The following CIT variants were observed in gnomAD, a reference collection of about 807,000 sequenced individuals.
The protein encoded by CIT is citron Rho-interacting kinase.
In CIT, 79 loss-of-function variants were observed where a neutral mutation model predicts 272.7. The observed-to-expected ratio is 0.29, with a 90% CI of 0.24 to 0.35. CIT has a LOEUF of 0.35. Among genes scored for constraint, CIT ranks in the 10% least tolerant of loss-of-function variants. CIT has a pLI of 1.00. For missense variants in CIT, 1,909 were observed against 2,618.3 expected (o/e 0.73, Z 5.91); for synonymous variants, 948 against 995.6 (o/e 0.95, Z 0.90).
chr12:119,791,386 G>T (rs183125171), intron 10 of CIT, among the ~76,000 whole-genome samples: 2 of 152,274 alleles, frequency 1.3e-5, no homozygotes, highest in African/African-American at 2.4e-5. Flanking sequence ...CACATGCCAG[G>T]TTGGTTCACA....
In CIT at chr12:119,834,094, G is replaced by A. The variant is rs55876660; in HGVS notation, c.651C>T (p.Tyr217=). ...LAVHSVHLMG[Y]VHRDIKPENI... ...ACCAGAGTCTCACTTACCGATGCAC[G>A]TATCCCATCAGATGAACGCTGTGAA... The change falls in exon 6 of 48, where the codon TAC becomes TAT. Residue 217 remains tyrosine, a synonymous_variant. Transcript: ENST00000392521. 1.3e-4 allele frequency: 207 copies of A among 1,610,960 alleles called. 1 individual carries two copies. In the East Asian group the frequency reaches 4.1e-3, roughly 32 times the overall value.
At chr12:119,773,945 T>C (rs893768385) in intron 16 of CIT, among the ~76,000 whole-genome samples, 4 of 152,164 alleles carry the variant, frequency 2.6e-5, no homozygotes, top group Admixed American at 2.6e-4. Flanking sequence ...ATATGCAGTA[T>C]GTCTATAAAA....
At chr12:119,790,576 A>T (rs565044083) in intron 10 of CIT, among the ~76,000 whole-genome samples, 2 of 152,166 alleles carry the variant, frequency 1.3e-5, no homozygotes, top group Admixed American at 6.5e-5. Context: ...CGTGTGTGTG[A>T]GAGAGAGAGA....
At chr12:119,695,734 G>A (rs543622558) in intron 46 of CIT, among the ~76,000 whole-genome samples, 23 of 152,254 alleles carry the variant, frequency 1.5e-4, no homozygotes, top group African/African-American at 4.6e-4. Context: ...GGTCGAGGCT[G>A]CAGTGAGCTG....
intron 7 of CIT, among the ~76,000 whole-genome samples, chr12:119,825,950 C>G (rs1364474877): frequency 6.6e-6 from 1 of 152,104 alleles, no homozygotes; most frequent in Non-Finnish European, 1.5e-5. Flanking sequence ...CACCTGTGGT[C>G]CCAGCTACTC....
At chr12:119,834,364 G>T in intron 5 of CIT, 136 bp from the exon 6 acceptor site, 1 of 731,522 alleles carries the variant, frequency 1.4e-6, no homozygotes, top group Non-Finnish European at 2.2e-6. Context: ...AAGGCACGCT[G>T]TAAGTCATGT....
chr12:119,798,407 C>A (rs567830877), intron 10 of CIT, among the ~76,000 whole-genome samples: 2 of 152,174 alleles, frequency 1.3e-5, no homozygotes, highest in Admixed American at 1.3e-4. Context: ...GTTGTTTGAT[C>A]TCCCCACGCC....
intron 40 of CIT, 44 bp from the exon 41 acceptor site, chr12:119,704,499 T>A (rs530817682): frequency 6.4e-7 from 1 of 1,568,802 alleles, no homozygotes; most frequent in Non-Finnish European, 8.8e-7. Flanking sequence ...ACCAGTGTGA[T>A]ACCGGCTGTG....
At chr12:119,796,439 A>G (rs904918537) in intron 10 of CIT, among the ~76,000 whole-genome samples, 6 of 152,162 alleles carry the variant, frequency 3.9e-5, no homozygotes, top group Non-Finnish European at 5.9e-5. Context: ...AACTGATGGG[A>G]TGGCGGGGGA....
chr12:119,862,277 G>A (rs1428472033), intron 3 of CIT, among the ~76,000 whole-genome samples: 1 of 152,212 alleles, frequency 6.6e-6, no homozygotes, highest in African/African-American at 2.4e-5. Flanking sequence ...TTACAGGCGT[G>A]AGCCACTACA....
In CIT at chr12:119,784,153, G is replaced by T; in HGVS notation, c.1402-102C>A. 1 of 1,611,340 alleles carries T rather than the reference G, an allele frequency of 6.2e-7. No homozygotes were observed. Among genetic ancestry groups the T allele is most frequent in the Non-Finnish European group, 8.5e-7 (1 of 1,178,548 alleles). On this transcript the variant is annotated intron_variant, in intron 11 of 47. Transcript: ENST00000392521. This position sits in a 1 kb window ranked among gnomAD's most constrained non-coding sequence, Gnocchi z 4.7. Reference sequence around the variant, plus strand: ...AAACCACCTGGTGGTCTGGGCTAAGGCTAATTCGCCAAAAGTTAAGTTGGG... The same window carrying T: ...AAACCACCTGGTGGTCTGGGCTAAGTCTAATTCGCCAAAAGTTAAGTTGGG...
chr12:119,799,970 T>C (rs145523721), intron 10 of CIT, among the ~76,000 whole-genome samples: 14 of 152,168 alleles, frequency 9.2e-5, no homozygotes, highest in African/African-American at 2.6e-4. Context: ...TTTATACTTA[T>C]GGTTTGCAGA....
rs768236318 is a variant in CIT, at chr12:119,735,227, C to T, written c.3089G>A (p.Arg1030Gln). 3.1e-6 allele frequency: 5 copies of T among 1,614,206 alleles called. No individual in the cohort carries two copies. The highest frequency in any genetic ancestry group is 2.2e-5 in the South Asian group (2 of 91,090). ...CCGGCGGAGATGGTCCACTTCACTT[C>T]GCAGTTGTACAATCTCGTCGTTGGC... ...SGANDEIVQL[R>Q]SEVDHLRREI... Residue 1030 changes from arginine to glutamine, a missense_variant, in exon 25 of 48, where the codon CGA (arginine) becomes CAA (glutamine). Transcript: ENST00000392521.
intron 47 of CIT, 128 bp from the exon 48 acceptor site, chr12:119,688,383 G>T: frequency 2.2e-6 from 2 of 906,502 alleles, no homozygotes; most frequent in Non-Finnish European, 3.6e-6. Flanking sequence ...TGAGTGCTTG[G>T]CAGGGCAGCA....
At position 119,694,380 on chromosome 12, in the gene CIT, C is replaced by G. The variant is rs138989486; in HGVS notation, c.5882+3279G>C. Among the ~76,000 whole-genome samples, 44 of 152,284 alleles carry G rather than the reference C, an allele frequency of 2.9e-4. No homozygotes were observed. The highest frequency in any genetic ancestry group is 1.0e-3 in the African/African-American group (43 of 41,550). On this transcript the variant is annotated intron_variant, in intron 46 of 47. Coordinates refer to ENST00000392521, the MANE Select transcript of CIT (RefSeq NM_001206999.2). The surrounding 1 kb of genome is among the most constrained non-coding windows in gnomAD (Gnocchi z 4.5). Reference sequence around the variant, plus strand: ...CAGTTAAACCAATTAAGGTACAGCCCTGATAAGGAAGGTTGTGCAGGCATC... The same window carrying G: ...CAGTTAAACCAATTAAGGTACAGCCGTGATAAGGAAGGTTGTGCAGGCATC...
rs780050023 is a variant in CIT at position 119,708,348 on chromosome 12, AGT to A, written c.5072-32_5072-31del. ...ACAGGAAAAGGAACAACCTCTCGTC[AGT>A]GTGAAGCCGTTAAGTAAAGGTACGG... On this transcript the variant is annotated intron_variant, in intron 39 of 47. Coordinates refer to ENST00000392521, the MANE Select transcript of CIT (RefSeq NM_001206999.2). 4 of 1,504,934 alleles carry A rather than the reference AGT, an allele frequency of 2.7e-6. No individual in the cohort carries two copies. The African/African-American group carries it at 5.6e-5, about 21-fold the overall frequency. 93.2% of individuals were successfully genotyped at this position (1,504,934 alleles called of 1,614,324 possible).
chr12:119,725,351 C>T (rs368425966), intron 28 of CIT, among the ~76,000 whole-genome samples: 7 of 151,802 alleles, frequency 4.6e-5, no homozygotes, highest in East Asian at 3.9e-4. Context: ...GCTTGACCCT[C>T]GGAGGTGGAG....
chr12:119,687,531 G>C lies in CIT; in HGVS notation c.*701C>G, dbSNP rs1404903751. On this transcript the variant is annotated 3_prime_UTR_variant, in exon 48 of 48. Transcript: ENST00000392521. ...CGATGACCTCCATACATTCTCAGCT[G>C]GTGGGAGGGGAAGTCGTCAAGGCCA... 6.6e-6 allele frequency: 1 copy of C among 152,574 alleles called. No homozygotes were observed. Among genetic ancestry groups the C allele is most frequent in the Non-Finnish European group, 1.5e-5 (1 of 68,054 alleles). 9.5% of individuals were successfully genotyped at this position (152,574 alleles called of 1,614,324 possible). A position where few individuals can be genotyped will look rare whatever the true frequency, so the allele number is the denominator to read the frequency against.
intron 2 of CIT, among the ~76,000 whole-genome samples, chr12:119,872,819 C>T (rs1594021453): frequency 6.6e-6 from 1 of 152,134 alleles, no homozygotes; most frequent in South Asian, 2.1e-4. Flanking sequence ...TATTTAGAAA[C>T]AGGGTCTCGT....
Sources: gnomAD v4.1 joint callset for allele counts (sites outside exome capture counted in the v4.1 genomes callset) on GRCh38, gnomAD v4.1.1 for gene constraint, Gnocchi (gnomAD v3.1) non-coding constraint, MANE v1.5 for transcripts, NCBI Gene and HGNC (gene_info 2026-07-23, HGNC 2026-07-21) for gene names.